Variants in GPD2 observed in about 807,000 individuals in gnomAD.
GPD2 encodes the protein glycerol-3-phosphate dehydrogenase 2, also known as glycerol-3-phosphate dehydrogenase, mitochondrial.
Under a neutral mutation model 82.4 loss-of-function variants are expected in GPD2, and 54 were observed. The ratio of observed to expected loss-of-function variants is 0.66; its 90% confidence interval spans 0.53 to 0.82. GPD2 has a LOEUF of 0.82. GPD2 is among the 40% of genes least tolerant of loss of function. The pLI, the probability that GPD2 is intolerant of heterozygous loss-of-function variation, is 0.00. For missense variants in GPD2, 748 were observed against 896.2 expected, an observed-to-expected ratio of 0.83 and a Z score of 2.11; for synonymous variants, 288 against 306.1, an observed-to-expected ratio of 0.94 and a Z score of 0.62.
At chr2:156,415,803 C>T in the GPD2 span, among the ~76,000 whole-genome samples, 2 of 152,014 alleles carry the variant, frequency 1.3e-5, no homozygotes, top group African/African-American at 4.8e-5. Context: ...TGCGGTGAGC[C>T]AAGATTGTGC....
chr2:156,417,593 T>C, the GPD2 span, among the ~76,000 whole-genome samples: 1 of 152,180 alleles, frequency 6.6e-6, no homozygotes, highest in South Asian at 2.1e-4. Context: ...TGGTGGCATA[T>C]GGGCATTTTA....
At chr2:156,500,144 A>G (rs1684536314) in intron 3 of GPD2, among the ~76,000 whole-genome samples, 1 of 152,068 alleles carries the variant, frequency 6.6e-6, no homozygotes, top group Non-Finnish European at 1.5e-5. Flanking sequence ...AAAACGATGT[A>G]TTTTTAATAT....
intron 6 of GPD2, among the ~76,000 whole-genome samples, chr2:156,538,125 A>G (rs189878729): frequency 1.2e-3 from 182 of 152,290 alleles, no homozygotes; most frequent in African/African-American, 4.2e-3. Flanking sequence ...ACTAGCTGTT[A>G]GGAGGTAGTG....
At chr2:156,474,524 G>A (rs776369135) in intron 1 of GPD2, among the ~76,000 whole-genome samples, 10 of 152,136 alleles carry the variant, frequency 6.6e-5, no homozygotes, top group Non-Finnish European at 1.5e-4. Context: ...TAGGGTAGTG[G>A]CTTCCCTGTT....
chr2:156,459,253 C>T (rs1432502029), intron 1 of GPD2, among the ~76,000 whole-genome samples: 4 of 151,932 alleles, frequency 2.6e-5, no homozygotes, highest in African/African-American at 9.7e-5. Flanking sequence ...TTTTTCAAGT[C>T]AGAGTGGGTT....
rs187351304 is a variant in GPD2, at chr2:156,437,411, C to T, written c.-9+898C>T. Among the ~76,000 whole-genome samples the T allele has an allele frequency of 2.6e-5, 4 of 152,314 alleles. No homozygotes were observed. In the East Asian group the frequency reaches 7.7e-4, roughly 29 times the overall value. On this transcript the variant is annotated intron_variant, in intron 1 of 16. Transcript: ENST00000438166. ...GGGCCCAGGCACTTCTTCGTAGCTA[C>T]TGACCACTCTAGTCCCAGTCCTACA...
chr2:156,518,469 G>A (rs910435049), intron 6 of GPD2, among the ~76,000 whole-genome samples: 1 of 152,142 alleles, frequency 6.6e-6, no homozygotes, highest in African/African-American at 2.4e-5. Flanking sequence ...TATGCTTTGG[G>A]GAACGATGCC....
At chr2:156,483,136 A>C (rs1179744972) in intron 2 of GPD2, among the ~76,000 whole-genome samples, 1 of 152,128 alleles carries the variant, frequency 6.6e-6, no homozygotes, top group Non-Finnish European at 1.5e-5. Flanking sequence ...AAAAAACAAA[A>C]AACAAAAATA....
chr2:156,426,718 A>T, the GPD2 span, among the ~76,000 whole-genome samples: 4 of 152,210 alleles, frequency 2.6e-5, no homozygotes, highest in South Asian at 4.1e-4. Context: ...AGCTCAGAGA[A>T]GCCTTTTGTC....
chr2:156,412,596 T>C, the GPD2 span, among the ~76,000 whole-genome samples: 1 of 152,172 alleles, frequency 6.6e-6, no homozygotes, highest in Admixed American at 6.6e-5. Context: ...TCTTATAGGG[T>C]TGCTGTGAGA....
intron 13 of GPD2, among the ~76,000 whole-genome samples, chr2:156,577,399 G>A (rs562002979): frequency 4.6e-5 from 7 of 152,236 alleles, no homozygotes; most frequent in African/African-American, 1.4e-4. Flanking sequence ...GCTGAAGTGG[G>A]AGGATTGAGC....
intron 2 of GPD2, among the ~76,000 whole-genome samples, chr2:156,481,421 C>A (rs568053839): frequency 2.0e-5 from 3 of 152,154 alleles, no homozygotes; most frequent in African/African-American, 7.2e-5. Flanking sequence ...CTAGCTGTAA[C>A]TTTGTGTGTA....
At chr2:156,455,157 A>G (rs148453121) in intron 1 of GPD2, among the ~76,000 whole-genome samples, 54 of 152,198 alleles carry the variant, frequency 3.5e-4, no homozygotes, top group African/African-American at 1.2e-3. Flanking sequence ...TTGTCTTAGT[A>G]TGGACTCTCA....
chr2:156,528,963 T>C (rs1031347997), intron 6 of GPD2, among the ~76,000 whole-genome samples: 6 of 152,122 alleles, frequency 3.9e-5, no homozygotes, highest in Non-Finnish European at 7.4e-5. Context: ...AGTAATGGGA[T>C]GGCTGGGACA....
chr2:156,528,427 A>C (rs548538771), intron 6 of GPD2, among the ~76,000 whole-genome samples: 2 of 150,472 alleles, frequency 1.3e-5, no homozygotes, highest in South Asian at 4.2e-4. Flanking sequence ...TCTTTTATTT[A>C]TTTATTTATT....
rs570389769 is a variant in GPD2 at position 156,559,832 on chromosome 2, A to G, written c.1165+2250A>G. 3.9e-5 allele frequency among the ~76,000 whole-genome samples: 6 copies of G among 152,326 alleles called. No individual in the cohort carries two copies. In the East Asian group the frequency reaches 1.2e-3, roughly 29 times the overall value. On this transcript the variant is annotated intron_variant, in intron 9 of 16. Transcript: ENST00000438166. ...TGACTTGTTTAACATCCATGTTTAA[A>G]TACTGAAACTGCATTACAATTTTAG... is the stretch of plus-strand genomic sequence containing the variant.
chr2:156,464,359 A>G (rs955020733), intron 1 of GPD2, among the ~76,000 whole-genome samples: 16 of 152,118 alleles, frequency 1.1e-4, no homozygotes, highest in Non-Finnish European at 2.2e-4. Flanking sequence ...CCTTTTTCAT[A>G]TATGCATTGT....
intron 9 of GPD2, among the ~76,000 whole-genome samples, chr2:156,564,973 A>G (rs745388022): frequency 2.6e-5 from 4 of 152,106 alleles, no homozygotes; most frequent in Admixed American, 6.6e-5. Flanking sequence ...GTATCAATAT[A>G]GATAATGTTT....
At chr2:156,553,553 T>C (rs1193490230) in intron 8 of GPD2, among the ~76,000 whole-genome samples, 1 of 151,866 alleles carries the variant, frequency 6.6e-6, no homozygotes, top group Non-Finnish European at 1.5e-5. Flanking sequence ...TAGAAAAAAA[T>C]AGAAATATGA....
Sources: allele counts gnomAD v4.1 joint callset (sites outside exome capture counted in the v4.1 genomes callset), GRCh38; gene constraint gnomAD v4.1.1; transcripts MANE v1.5; gene names NCBI Gene and HGNC (gene_info 2026-07-23, HGNC 2026-07-21).